Variants in PROM1 observed in about 807,000 individuals in gnomAD.
The protein encoded by PROM1 is prominin 1.
PROM1 carries 105 observed loss-of-function variants against 116.9 expected under a neutral mutation model. That is an observed-to-expected ratio of 0.90 (90% CI 0.77 to 1.06). PROM1 has a LOEUF of 1.06. Among genes scored for constraint, PROM1 ranks in the 50% least tolerant of loss-of-function variants. The pLI is 0.00. For missense variants in PROM1, 1,122 were observed against 1,045.2 expected, an observed-to-expected ratio of 1.07 and a Z score of -1.01; for synonymous variants, 393 against 387.0, an observed-to-expected ratio of 1.02 and a Z score of -0.18.
At chr4:16,019,990 ACT>A (rs1729448043) in intron 8 of PROM1, among the ~76,000 whole-genome samples, 1 of 152,084 alleles carries the variant, frequency 6.6e-6, no homozygotes. Context: ...CATCTGGCAA[ACT>A]CTCACTTCTC....
At chr4:16,008,910 T>A (rs778747684) in intron 12 of PROM1, 39 bp downstream of exon 12, 2 of 1,512,344 alleles carry the variant, frequency 1.3e-6, no homozygotes, top group Admixed American at 1.9e-5. Context: ...CTCTACAAAG[T>A]TCACTCTCGT....
chr4:15,985,999 A>G lies in PROM1; in HGVS notation c.2169T>C (p.Ala723=). 1 of 1,515,044 alleles carries G rather than the reference A, an allele frequency of 6.6e-7. No individual in the cohort carries two copies. The highest frequency in any genetic ancestry group is 8.9e-7 in the Non-Finnish European group (1 of 1,121,244). The allele number at this position is 1,515,044 out of a possible 1,614,324, so 93.9% of individuals were successfully genotyped here. The change falls in exon 21 of 28, where the codon GCT becomes GCC. Residue 723 remains alanine, a synonymous_variant. Transcript: ENST00000447510. ...VTRILASLDF[A]QNFITNNTSS... is the part of the protein sequence containing the mutation. ...AAGTATTGTTTGTGATGAAGTTCTG[A>G]GCAAAATCCAGAGAAGCTAGAATCC...
intron 23 of PROM1, among the ~76,000 whole-genome samples, chr4:15,983,751 A>G (rs1718566017): frequency 6.6e-6 from 1 of 152,192 alleles, no homozygotes; most frequent in Non-Finnish European, 1.5e-5. Flanking sequence ...TGATCTTTAG[A>G]TAGCAATGGG....
chr4:16,036,361 A>T (rs1482247781), intron 3 of PROM1, among the ~76,000 whole-genome samples: 3 of 152,242 alleles, frequency 2.0e-5, no homozygotes, highest in Non-Finnish European at 4.4e-5. Flanking sequence ...CTATTGCCTC[A>T]GCTGGCAGAT....
chr4:15,980,753 T>C (rs989127104), intron 23 of PROM1, among the ~76,000 whole-genome samples: 1 of 152,038 alleles, frequency 6.6e-6, no homozygotes, highest in East Asian at 1.9e-4. Flanking sequence ...CTAAAAACCT[T>C]GAGTAGATCC....
At chr4:16,004,603 T>C (rs2149215640) in intron 13 of PROM1, among the ~76,000 whole-genome samples, 2 of 152,276 alleles carry the variant, frequency 1.3e-5, no homozygotes, top group Middle Eastern at 3.4e-3. Context: ...TTGTTAAATT[T>C]GTAACATTAA....
chr4:16,066,343 G>A (rs904547576), intron 2 of PROM1, among the ~76,000 whole-genome samples: 5 of 152,184 alleles, frequency 3.3e-5, no homozygotes, highest in Admixed American at 1.3e-4. Flanking sequence ...TCTACCAAGC[G>A]CTATTCTAAA....
intron 1 of PROM1, among the ~76,000 whole-genome samples, chr4:16,081,205 C>A (rs1183169253): frequency 6.6e-6 from 1 of 151,870 alleles, no homozygotes; most frequent in Admixed American, 6.6e-5. Flanking sequence ...TAATGCTATC[C>A]CTCCCCACTC....
At chr4:16,035,290 A>G (rs1733703108) in intron 4 of PROM1, among the ~76,000 whole-genome samples, 2 of 152,256 alleles carry the variant, frequency 1.3e-5, no homozygotes, top group Admixed American at 1.3e-4. Flanking sequence ...ATTTTAAAGA[A>G]ATGTAAATTC....
chr4:16,072,973 G>C (rs1245953750), intron 2 of PROM1, among the ~76,000 whole-genome samples: 1 of 152,036 alleles, frequency 6.6e-6, no homozygotes, highest in Admixed American at 6.6e-5. Context: ...CGACCAATCA[G>C]CACTCCCCAC....
chr4:16,008,652 G>C (rs754258650), intron 12 of PROM1, among the ~76,000 whole-genome samples: 1 of 152,180 alleles, frequency 6.6e-6, no homozygotes, highest in African/African-American at 2.4e-5. Context: ...TTTGGCTCAC[G>C]AAGGTCCAGT....
intron 13 of PROM1, among the ~76,000 whole-genome samples, chr4:16,004,860 C>CCTTTCTTCCTTCCTTCCTTT (rs1724880140): frequency 8.4e-6 from 1 of 118,804 alleles, no homozygotes; most frequent in African/African-American, 3.2e-5. Context: ...TTCCTTCCTT[C>CCTTTCTTCCTTCCTTCCTTT]CTCTCTCTCT....
intron 12 of PROM1, among the ~76,000 whole-genome samples, chr4:16,007,032 C>T (rs1294673399): frequency 6.6e-6 from 1 of 152,160 alleles, no homozygotes; most frequent in East Asian, 1.9e-4. Context: ...GATGAAAACA[C>T]CCTTAAGATT....
chr4:16,022,641 T>C (rs745958168), intron 8 of PROM1, among the ~76,000 whole-genome samples: 3 of 152,246 alleles, frequency 2.0e-5, no homozygotes, highest in Admixed American at 6.5e-5. Flanking sequence ...AATGAGTGTT[T>C]TACATAGATG....
chr4:16,009,808 C>T (rs945504429), intron 11 of PROM1, among the ~76,000 whole-genome samples: 5 of 151,638 alleles, frequency 3.3e-5, no homozygotes, highest in South Asian at 2.1e-4. Flanking sequence ...GCTGTGGTGG[C>T]GCATGCCTGT....
chr4:16,054,152 C>T (rs1738469699), intron 2 of PROM1, among the ~76,000 whole-genome samples: 2 of 152,174 alleles, frequency 1.3e-5, no homozygotes, highest in African/African-American at 4.8e-5. Context: ...TTCCATCATC[C>T]AGTTCAGATC....
At chr4:16,023,746 G>A (rs576230498) in intron 7 of PROM1, among the ~76,000 whole-genome samples, 2 of 152,222 alleles carry the variant, frequency 1.3e-5, no homozygotes, top group East Asian at 1.9e-4. Flanking sequence ...TGAGCATTAC[G>A]GGATGCTTAG....
rs748904452 is a variant in PROM1 at position 15,998,473 on chromosome 4, A to G, written c.1594T>C (p.Tyr532His). 1 of 1,608,804 alleles carries G rather than the reference A, an allele frequency of 6.2e-7. No homozygotes were observed. Among genetic ancestry groups the G allele is most frequent in the Non-Finnish European group, 8.5e-7 (1 of 1,178,440 alleles). Reference protein sequence around the residue: ...KELFRVLDTPYLLNEDWEYYL... With the variant: ...KELFRVLDTPHLLNEDWEYYL... ...TATTCCCAGTCTTCATTTAGTAAGT[A>G]GGGTGTATCCAAAACCTAGAACACA... The change falls in exon 15 of 28, where the codon TAC (tyrosine) becomes CAC (histidine). Residue 532 changes from tyrosine to histidine, a missense_variant. Transcript: ENST00000447510.
intron 2 of PROM1, chr4:16,055,300 T>A: frequency 2.3e-6 from 1 of 440,570 alleles, no homozygotes; most frequent in Non-Finnish European, 4.6e-6. Flanking sequence ...CTCAGGAGGC[T>A]GAGGCAGGAG....
Sources: allele counts gnomAD v4.1 joint callset (sites outside exome capture counted in the v4.1 genomes callset), GRCh38; gene constraint gnomAD v4.1.1; transcripts MANE v1.5; gene names NCBI Gene and HGNC (gene_info 2026-07-23, HGNC 2026-07-21).